PLCXD3: variants seen among roughly 807,000 people sequenced by gnomAD.
PLCXD3 encodes phosphatidylinositol specific phospholipase C X domain containing 3, also known as PI-PLC X domain-containing protein 3.
A neutral mutation model predicts 25.5 loss-of-function variants in PLCXD3; 19 were observed. The ratio of observed to expected loss-of-function variants is 0.75; its 90% CI spans 0.52 to 1.09. PLCXD3 has a LOEUF of 1.09. Among genes scored for constraint, PLCXD3 ranks in the 50% least tolerant of loss-of-function variants. The pLI is 0.00. For synonymous variants in PLCXD3, 174 were observed against 137.6 expected, an observed-to-expected ratio of 1.26 and a Z score of -1.85; for missense variants, 411 against 388.1, an observed-to-expected ratio of 1.06 and a Z score of -0.50.
At chr5:41,378,453 G>A (rs560884655) in intron 2 of PLCXD3, among the ~76,000 whole-genome samples, 126 of 152,174 alleles carry the variant, frequency 8.3e-4, no homozygotes, top group Non-Finnish European at 2.9e-5. Context: ...GAAAGAATTA[G>A]TTCTCTATAT....
At chr5:41,424,351 C>T (rs1350175978) in intron 1 of PLCXD3, among the ~76,000 whole-genome samples, 1 of 152,130 alleles carries the variant, frequency 6.6e-6, no homozygotes, top group Non-Finnish European at 1.5e-5. Context: ...CGAGACCAGC[C>T]TCAACATGGA....
In PLCXD3 at chr5:41,395,963, C is replaced by A. The variant is rs188540242; in HGVS notation, c.104-13429G>T. ...TTCCAAACTCATTCTATGAGGCCAG[C>A]ATACCCTGATACTAAAATCAGACAA... On this transcript the variant is annotated intron_variant, in intron 1 of 2. Coordinates refer to ENST00000377801, the MANE Select transcript of PLCXD3 (RefSeq NM_001005473.3). Among the ~76,000 whole-genome samples, 11 of 149,438 alleles carry A rather than the reference C, an allele frequency of 7.4e-5. 1 individual carries two copies. Among genetic ancestry groups the A allele is most frequent in the Admixed American group, 6.7e-4 (10 of 15,004 alleles).
chr5:41,313,907 C>A, intron 2 of PLCXD3, 137 bp from the exon 3 acceptor site: 1 of 967,546 alleles, frequency 1.0e-6, no homozygotes, highest in Non-Finnish European at 1.5e-6. Flanking sequence ...GGGAAAAGGC[C>A]AAATGGACTC....
At chr5:41,418,868 G>T (rs1746752637) in intron 1 of PLCXD3, among the ~76,000 whole-genome samples, 1 of 152,130 alleles carries the variant, frequency 6.6e-6, no homozygotes, top group African/African-American at 2.4e-5. Context: ...ATGAAATTAT[G>T]ATCTGTTCCA....
intron 1 of PLCXD3, among the ~76,000 whole-genome samples, chr5:41,500,092 A>G (rs1460642261): frequency 6.6e-6 from 1 of 151,888 alleles, no homozygotes; most frequent in East Asian, 1.9e-4. Flanking sequence ...AAAAGAATTC[A>G]ATACATCAAA....
At chr5:41,456,609 T>A in intron 1 of PLCXD3, 1 of 775,886 alleles carries the variant, frequency 1.3e-6, no homozygotes, top group Non-Finnish European at 1.6e-6. Flanking sequence ...ATTCATATGT[T>A]GAAATCTGTT....
chr5:41,357,103 G>T (rs997399982), intron 2 of PLCXD3, among the ~76,000 whole-genome samples: 2 of 152,152 alleles, frequency 1.3e-5, no homozygotes, highest in Non-Finnish European at 2.9e-5. Context: ...AGAATCTGCT[G>T]GGTCACTTGA....
At chr5:41,471,114 G>A (rs936397761) in intron 1 of PLCXD3, among the ~76,000 whole-genome samples, 1 of 152,158 alleles carries the variant, frequency 6.6e-6, no homozygotes, top group African/African-American at 2.4e-5. Context: ...GGTAGAACAA[G>A]ATGGAATAAT....
chr5:41,444,097 T>C (rs776583384), intron 1 of PLCXD3, among the ~76,000 whole-genome samples: 2 of 152,182 alleles, frequency 1.3e-5, no homozygotes, highest in African/African-American at 2.4e-5. Context: ...TTTCACCCTA[T>C]AATTGGTGGC....
At chr5:41,397,599 C>G (rs962829129) in intron 1 of PLCXD3, among the ~76,000 whole-genome samples, 1 of 152,166 alleles carries the variant, frequency 6.6e-6, no homozygotes, top group African/African-American at 2.4e-5. Context: ...GGGGCACTGC[C>G]TAGTGGAGCT....
At chr5:41,451,242 C>G (rs1466157198) in intron 1 of PLCXD3, among the ~76,000 whole-genome samples, 1 of 152,012 alleles carries the variant, frequency 6.6e-6, no homozygotes. Context: ...GTAAATTTGT[C>G]TTTTCTTTTT....
At chr5:41,315,464 G>A (rs1743263614) in intron 2 of PLCXD3, among the ~76,000 whole-genome samples, 1 of 151,470 alleles carries the variant, frequency 6.6e-6, no homozygotes, top group Admixed American at 6.6e-5. Context: ...TATAACAACT[G>A]AATTGGGAGG....
At chr5:41,392,474 C>T (rs969003394) in intron 1 of PLCXD3, among the ~76,000 whole-genome samples, 1 of 152,160 alleles carries the variant, frequency 6.6e-6, no homozygotes, top group African/African-American at 2.4e-5. Context: ...GATGCCTCTA[C>T]AAGTCTGCAG....
intron 1 of PLCXD3, among the ~76,000 whole-genome samples, chr5:41,457,122 A>C (rs531916584): frequency 1.3e-5 from 2 of 152,102 alleles, no homozygotes; most frequent in South Asian, 4.1e-4. Context: ...AAGTCTGAAA[A>C]ATAATTCAAG....
intron 1 of PLCXD3, among the ~76,000 whole-genome samples, chr5:41,436,969 C>T (rs890881374): frequency 1.3e-5 from 2 of 152,166 alleles, no homozygotes; most frequent in Non-Finnish European, 2.9e-5. Flanking sequence ...AGCTCTTTTA[C>T]TTAAGCTTCA....
chr5:41,421,491 G>A (rs1465011910), intron 1 of PLCXD3, among the ~76,000 whole-genome samples: 2 of 152,000 alleles, frequency 1.3e-5, no homozygotes, highest in Non-Finnish European at 2.9e-5. Flanking sequence ...CACAAGGTCA[G>A]GATATTGAGA....
intron 2 of PLCXD3, among the ~76,000 whole-genome samples, chr5:41,340,803 G>A (rs1744118725): frequency 6.6e-6 from 1 of 152,028 alleles, no homozygotes; most frequent in African/African-American, 2.4e-5. Context: ...TAATTTTATT[G>A]GGAACTCATG....
intron 1 of PLCXD3, among the ~76,000 whole-genome samples, chr5:41,457,345 T>G (rs1315841579): frequency 6.6e-6 from 1 of 151,912 alleles, no homozygotes; most frequent in Non-Finnish European, 1.5e-5. Context: ...GGGAGCTATT[T>G]ATACATTTTT....
At chr5:41,377,915 G>C (rs1166207619) in intron 2 of PLCXD3, among the ~76,000 whole-genome samples, 1 of 152,072 alleles carries the variant, frequency 6.6e-6, no homozygotes, top group Non-Finnish European at 1.5e-5. Flanking sequence ...AAACTGTGCA[G>C]ATGAAAATAT....
Sources: gnomAD v4.1 joint callset for allele counts (sites outside exome capture counted in the v4.1 genomes callset) on GRCh38, gnomAD v4.1.1 for gene constraint, MANE v1.5 for transcripts, NCBI Gene and HGNC (gene_info 2026-07-23, HGNC 2026-07-21) for gene names.